Variants in KDM8 observed in about 807,000 individuals in gnomAD.
KDM8 encodes bifunctional peptidase and arginyl-hydroxylase JMJD5.
A neutral mutation model predicts 46.9 loss-of-function variants in KDM8; 35 were observed. That is an observed-to-expected ratio of 0.75 (90% confidence interval 0.57 to 0.99). KDM8 has a LOEUF of 0.99. Ranked by LOEUF, KDM8 falls within the 50% of genes least tolerant of loss-of-function variation. The pLI, the probability that KDM8 is intolerant of heterozygous loss-of-function variation, is 0.00. For synonymous variants in KDM8, 232 were observed against 227.7 expected (o/e 1.02, Z -0.17); for missense variants, 475 against 537.0 (o/e 0.88, Z 1.14).
intron 5 of KDM8, among the ~76,000 whole-genome samples, chr16:27,217,488 C>T (rs1449766860): frequency 6.6e-6 from 1 of 152,198 alleles, no homozygotes. Context: ...GCAGCAGCGT[C>T]GGGTTACCTT....
chr16:27,204,289 C>T, intron 1 of KDM8: 1 of 1,397,582 alleles, frequency 7.2e-7, no homozygotes, highest in African/African-American at 1.5e-5. Context: ...GTAGGAATCG[C>T]CGTGCTCAGG....
chr16:27,215,977 G>T lies in KDM8; in HGVS notation c.831G>T (p.Gln277His), dbSNP rs199528628. Reference protein sequence around the residue: ...PRDVGYLAQHQLFDQIPELKQ... With the variant: ...PRDVGYLAQHHLFDQIPELKQ... Reference sequence around the variant, plus strand: ...ACGTCGGGTACCTTGCTCAGCACCAGCTCTTTGACCAGGTAAGTCTGAGGC... The same window carrying T: ...ACGTCGGGTACCTTGCTCAGCACCATCTCTTTGACCAGGTAAGTCTGAGGC... The change falls in exon 5 of 8, where the codon CAG becomes CAT. Residue 277 changes from glutamine (Q) to histidine (H), a missense_variant. Transcript: ENST00000286096. The T allele has an allele frequency of 3.7e-5, 60 of 1,614,214 alleles. 1 individual carries two copies. The African/African-American group carries it at 7.5e-4, about 20-fold the overall frequency.
At chr16:27,212,324 G>A (rs977311595) in intron 2 of KDM8, among the ~76,000 whole-genome samples, 4 of 152,244 alleles carry the variant, frequency 2.6e-5, no homozygotes, top group Non-Finnish European at 5.9e-5. Flanking sequence ...GATACCCGGT[G>A]TTGCCAAGGG....
chr16:27,212,564 T>C (rs1325668477), intron 2 of KDM8, among the ~76,000 whole-genome samples: 1 of 152,178 alleles, frequency 6.6e-6, no homozygotes, highest in Non-Finnish European at 1.5e-5. Context: ...TGAAACCTCA[T>C]ATCTACTAAA....
intron 1 of KDM8, among the ~76,000 whole-genome samples, chr16:27,207,573 G>A (rs929338645): frequency 1.3e-5 from 2 of 152,208 alleles, no homozygotes; most frequent in African/African-American, 4.8e-5. Flanking sequence ...ATAAGGCCTT[G>A]TAGGAGGCTA....
In KDM8 at chr16:27,211,240, G is replaced by A. The variant is rs139405350; in HGVS notation, c.498+619G>A. The A allele has an allele frequency of 2.9e-4, 128 of 446,148 alleles. 1 individual carries two copies. The highest frequency in any genetic ancestry group is 2.2e-3 in the African/African-American group (109 of 49,256). The allele number at this position is 446,148 out of a possible 1,614,324, so 27.6% of individuals were successfully genotyped here. The stretch of plus-strand genomic sequence containing the variant: ...TGTGTGGGTGAGAGCTGCAGCCAGC[G>A]GCAGCCCGTTTCTTTCAGCTTCTTG... On this transcript the variant is annotated intron_variant, in intron 2 of 7. Transcript: ENST00000286096.
intron 5 of KDM8, among the ~76,000 whole-genome samples, chr16:27,217,893 G>A (rs2083572710): frequency 6.6e-6 from 1 of 151,944 alleles, no homozygotes; most frequent in Non-Finnish European, 1.5e-5. Flanking sequence ...GGTGGCCTGG[G>A]GGGTGTGGGC....
At chr16:27,206,587 T>C (rs899410516) in intron 1 of KDM8, among the ~76,000 whole-genome samples, 1 of 152,208 alleles carries the variant, frequency 6.6e-6, no homozygotes, top group South Asian at 2.1e-4. Flanking sequence ...TAAGACTTTA[T>C]AAACAGCAAT....
intron 5 of KDM8, 34 bp from the exon 6 acceptor site, chr16:27,218,927 T>A (rs2083585202): frequency 1.2e-6 from 2 of 1,613,434 alleles, no homozygotes; most frequent in African/African-American, 2.7e-5. Flanking sequence ...CCCAGCCGGA[T>A]CCCCACATCT....
In KDM8 at chr16:27,210,530, A is replaced by G; in HGVS notation, c.407A>G (p.Asp136Gly). 1 of 1,542,384 alleles carries G rather than the reference A, an allele frequency of 6.5e-7. No homozygotes were observed. Among genetic ancestry groups the G allele is most frequent in the Non-Finnish European group, 8.7e-7 (1 of 1,143,340 alleles). ...CTGATGGGGGCAGCCATCCTGGGGG[A>G]CATCCTTCTTAAAGTCGCTGCCATC... ...GLLMGAAILG[D>G]ILLKVAAILQ... is the part of the protein sequence containing the mutation. The change falls in exon 2 of 8, where the codon GAC becomes GGC. Residue 136 changes from aspartate to glycine, a missense_variant. Transcript: ENST00000286096.
intron 1 of KDM8, chr16:27,203,997 A>T (rs1261250824): frequency 4.9e-6 from 5 of 1,020,354 alleles, no homozygotes; most frequent in Middle Eastern, 2.3e-4. Flanking sequence ...CGGGTTTTAT[A>T]CTCTGCTATA....
At chr16:27,206,171 T>C (rs959504444) in intron 1 of KDM8, 23 of 965,520 alleles carry the variant, frequency 2.4e-5, no homozygotes, top group Non-Finnish European at 2.8e-5. Flanking sequence ...GCTTCACACA[T>C]CTTTTTTCTT....
intron 1 of KDM8, chr16:27,204,055 A>C: frequency 6.5e-7 from 1 of 1,536,742 alleles, no homozygotes; most frequent in Non-Finnish European, 8.8e-7. Flanking sequence ...CTGGGCCGCA[A>C]GGCAGGCTGG....
At chr16:27,207,245 T>C (rs2083437735) in intron 1 of KDM8, among the ~76,000 whole-genome samples, 1 of 152,176 alleles carries the variant, frequency 6.6e-6, no homozygotes, top group Admixed American at 6.5e-5. Flanking sequence ...CCGTCTCTAC[T>C]AAAAATACAA....
intron 5 of KDM8, among the ~76,000 whole-genome samples, chr16:27,216,476 G>A (rs2083554968): frequency 6.6e-6 from 1 of 152,178 alleles, no homozygotes; most frequent in Non-Finnish European, 1.5e-5. Flanking sequence ...GGCAGCCCTT[G>A]GCAGGATTCA....
intron 4 of KDM8, among the ~76,000 whole-genome samples, chr16:27,215,450 C>T (rs375381074): frequency 6.6e-6 from 1 of 152,018 alleles, no homozygotes; most frequent in Admixed American, 6.6e-5. Flanking sequence ...TATAGTGGTA[C>T]GTGCCTGTAA....
intron 2 of KDM8, among the ~76,000 whole-genome samples, chr16:27,212,520 G>T (rs1487666368): frequency 1.3e-5 from 2 of 152,194 alleles, no homozygotes; most frequent in African/African-American, 2.4e-5. Context: ...GATCACCTGA[G>T]GTCAAGAGTT....
chr16:27,204,919 G>T (rs1286847056), intron 1 of KDM8, among the ~76,000 whole-genome samples: 1 of 152,196 alleles, frequency 6.6e-6, no homozygotes. Flanking sequence ...ACAGCTGCTT[G>T]GGCGGCTGAG....
intron 1 of KDM8, among the ~76,000 whole-genome samples, chr16:27,208,723 G>A (rs1252578430): frequency 1.3e-5 from 2 of 152,196 alleles, no homozygotes; most frequent in Non-Finnish European, 2.9e-5. Context: ...CCAGGGATGG[G>A]CCCATGTGGT....
Sources: gnomAD v4.1 joint callset for allele counts (sites outside exome capture counted in the v4.1 genomes callset) on GRCh38, gnomAD v4.1.1 for gene constraint, MANE v1.5 for transcripts, NCBI Gene and HGNC (gene_info 2026-07-23, HGNC 2026-07-21) for gene names.